The following SAMSN1 variants were observed in gnomAD, a reference collection of about 807,000 sequenced individuals.
SAMSN1 encodes the protein SAM domain-containing protein SAMSN-1.
A neutral mutation model predicts 42.0 loss-of-function variants in SAMSN1; 31 were observed. That is an observed-to-expected ratio of 0.74 (90% CI 0.55 to 1.00). The LOEUF (loss-of-function observed/expected upper bound fraction) is 1.00. SAMSN1 is among the 50% of genes least tolerant of loss of function. SAMSN1 has a pLI of 0.00. For missense variants in SAMSN1, 464 were observed against 439.4 expected (o/e 1.06, Z -0.50); for synonymous variants, 178 against 151.9 (o/e 1.17, Z -1.26).
chr21:14,526,764 G>A (rs4817234), intron 1 of SAMSN1, among the ~76,000 whole-genome samples: 40,829 of 151,952 alleles, frequency 0.27, 5,789 homozygotes, highest in Middle Eastern at 0.37. Flanking sequence ...TAAAAATTAC[G>A]GCAAAGTTAG....
intron 2 of SAMSN1, among the ~76,000 whole-genome samples, chr21:14,627,359 A>G (rs1241975242): frequency 6.6e-6 from 1 of 152,202 alleles, no homozygotes; most frequent in Admixed American, 6.5e-5. Flanking sequence ...ATACCCCAAT[A>G]AAAGTCATAT....
At chr21:14,616,887 G>T (rs543619462) in intron 2 of SAMSN1, among the ~76,000 whole-genome samples, 3 of 152,176 alleles carry the variant, frequency 2.0e-5, no homozygotes, top group Non-Finnish European at 4.4e-5. Flanking sequence ...TATTCAGGTC[G>T]TTAATAGTAA....
chr21:14,582,998 T>C (rs980111812), intron 1 of SAMSN1, among the ~76,000 whole-genome samples: 1 of 152,160 alleles, frequency 6.6e-6, no homozygotes, highest in Non-Finnish European at 1.5e-5. Flanking sequence ...AAGAGATGTA[T>C]GGATGCAGTG....
At chr21:14,489,098 C>T (rs573192555) in intron 7 of SAMSN1, among the ~76,000 whole-genome samples, 9 of 152,296 alleles carry the variant, frequency 5.9e-5, no homozygotes, top group African/African-American at 2.2e-4. Context: ...AATGCATCCA[C>T]ATTTTCTTTC....
intron 2 of SAMSN1, among the ~76,000 whole-genome samples, chr21:14,625,792 T>C (rs1352391951): frequency 6.6e-6 from 1 of 152,166 alleles, no homozygotes; most frequent in Non-Finnish European, 1.5e-5. Context: ...AAAGTTCATA[T>C]GGAACCAAAC....
chr21:14,532,885 A>T (rs1458471659), intron 1 of SAMSN1, among the ~76,000 whole-genome samples: 1 of 151,766 alleles, frequency 6.6e-6, no homozygotes, highest in African/African-American at 2.4e-5. Flanking sequence ...TACATATTTA[A>T]TATTTTATTA....
At chr21:14,510,992 T>A (rs1216380202) in intron 4 of SAMSN1, among the ~76,000 whole-genome samples, 1 of 152,198 alleles carries the variant, frequency 6.6e-6, no homozygotes, top group Non-Finnish European at 1.5e-5. Flanking sequence ...TCTGGTCCTC[T>A]TATTTTTGAT....
intron 2 of SAMSN1, among the ~76,000 whole-genome samples, chr21:14,640,822 A>G (rs1983576737): frequency 6.6e-6 from 1 of 152,146 alleles, no homozygotes; most frequent in African/African-American, 2.4e-5. Context: ...GTATACATAC[A>G]TACATGTTTG....
intron 2 of SAMSN1, among the ~76,000 whole-genome samples, chr21:14,637,194 A>G (rs1290379732): frequency 6.6e-6 from 1 of 152,220 alleles, no homozygotes; most frequent in East Asian, 1.9e-4. Context: ...TTAATTTAAA[A>G]CCAAAGGTGA....
At chr21:14,590,693 T>A (rs140308687) in intron 7 of SAMSN1, among the ~76,000 whole-genome samples, 1 of 152,202 alleles carries the variant, frequency 6.6e-6, no homozygotes, top group South Asian at 2.1e-4. Flanking sequence ...AATTTGTTCT[T>A]AGCCACTTGA....
At chr21:14,597,323 G>A (rs533621407) in intron 6 of SAMSN1, among the ~76,000 whole-genome samples, 8 of 152,020 alleles carry the variant, frequency 5.3e-5, no homozygotes, top group South Asian at 4.1e-4. Flanking sequence ...CATTCTACAC[G>A]CATCTCCCAA....
chr21:14,566,004 C>A (rs1422883461), intron 2 of SAMSN1, among the ~76,000 whole-genome samples: 1 of 152,186 alleles, frequency 6.6e-6, no homozygotes, highest in Non-Finnish European at 1.5e-5. Flanking sequence ...TACCTATCTG[C>A]AGATGGACTT....
chr21:14,644,301 C>A (rs531169426), intron 1 of SAMSN1, among the ~76,000 whole-genome samples: 1 of 151,130 alleles, frequency 6.6e-6, no homozygotes, highest in Non-Finnish European at 1.5e-5. Flanking sequence ...TGTAGGGAGG[C>A]CTTTGTCTTG....
At chr21:14,527,407 A>C (rs1978934015) in intron 1 of SAMSN1, among the ~76,000 whole-genome samples, 1 of 152,198 alleles carries the variant, frequency 6.6e-6, no homozygotes, top group African/African-American at 2.4e-5. Context: ...GTGTCAGGAA[A>C]CTGACGGCTA....
chr21:14,604,558 A>T (rs938977982), intron 5 of SAMSN1, among the ~76,000 whole-genome samples: 1 of 152,158 alleles, frequency 6.6e-6, no homozygotes, highest in African/African-American at 2.4e-5. Context: ...AAAAGCAAAA[A>T]AACAAAAAAA....
intron 2 of SAMSN1, among the ~76,000 whole-genome samples, chr21:14,626,660 C>A (rs182814516): frequency 6.6e-6 from 1 of 152,186 alleles, no homozygotes; most frequent in African/African-American, 2.4e-5. Flanking sequence ...GAAATAGGAA[C>A]ACTTTTACAC....
intron 5 of SAMSN1, among the ~76,000 whole-genome samples, chr21:14,506,258 T>C (rs1170725404): frequency 6.6e-6 from 1 of 151,684 alleles, no homozygotes. Flanking sequence ...AACAAAAAAA[T>C]ATGAAAGATA....
upstream of SAMSN1, among the ~76,000 whole-genome samples, chr21:14,549,689 A>T (rs1208070404): frequency 6.6e-6 from 1 of 152,142 alleles, no homozygotes; most frequent in Admixed American, 6.6e-5. Context: ...AAGAATAATC[A>T]TTTTATAGAA....
upstream of SAMSN1, among the ~76,000 whole-genome samples, chr21:14,587,903 C>T (rs56010646): frequency 1.8e-5 from 2 of 109,652 alleles, no homozygotes; most frequent in Non-Finnish European, 3.6e-5. Flanking sequence ...CCCCTCCCCC[C>T]ACCCCGCAAC....
Sources: gnomAD v4.1 joint callset for allele counts (sites outside exome capture counted in the v4.1 genomes callset) on GRCh38, gnomAD v4.1.1 for gene constraint, MANE v1.5 for transcripts, NCBI Gene and HGNC (gene_info 2026-07-23, HGNC 2026-07-21) for gene names.